Variants in HEMK2 observed in about 807,000 individuals in gnomAD.
HEMK2 encodes the protein methyltransferase HEMK2.
At chr21:28,834,708 G>A in the HEMK2 span, among the ~76,000 whole-genome samples, 1,262 of 152,310 alleles carry the variant, frequency 8.3e-3, 16 homozygotes, top group African/African-American at 0.028. Context: ...GAAGACCCAA[G>A]CCCCTTTCTT....
At chr21:28,622,857 G>C in the HEMK2 span, among the ~76,000 whole-genome samples, 2 of 152,026 alleles carry the variant, frequency 1.3e-5, no homozygotes, top group Non-Finnish European at 2.9e-5. Flanking sequence ...AGACTTAAAC[G>C]TAAGACCTAA....
At chr21:28,815,814 G>A in the HEMK2 span, among the ~76,000 whole-genome samples, 1 of 152,142 alleles carries the variant, frequency 6.6e-6, no homozygotes, top group African/African-American at 2.4e-5. Context: ...AAGAATTGAG[G>A]GAGGAAGGTC....
chr21:28,610,330 G>C, the HEMK2 span, among the ~76,000 whole-genome samples: 1 of 152,086 alleles, frequency 6.6e-6, no homozygotes, highest in Non-Finnish European at 1.5e-5. Context: ...AGGACAGATA[G>C]TCTTTTTCAG....
chr21:28,585,996 T>C, the HEMK2 span, among the ~76,000 whole-genome samples: 5 of 152,308 alleles, frequency 3.3e-5, no homozygotes, highest in African/African-American at 9.6e-5. Context: ...AATTATAAGA[T>C]GGCAGGATGC....
At chr21:28,880,928 T>TAA in the HEMK2 span, among the ~76,000 whole-genome samples, 2,447 of 104,308 alleles carry the variant, frequency 0.023, 93 homozygotes, top group East Asian at 0.15. Context: ...ATCATTTATT[T>TAA]AAAAAAAAAA....
At chr21:28,839,462 C>A in the HEMK2 span, among the ~76,000 whole-genome samples, 1 of 152,026 alleles carries the variant, frequency 6.6e-6, no homozygotes, top group South Asian at 2.1e-4. Context: ...GATTGATTAC[C>A]TTGAAAACCC....
chr21:28,687,984 T>A, the HEMK2 span, among the ~76,000 whole-genome samples: 1 of 152,202 alleles, frequency 6.6e-6, no homozygotes, highest in Non-Finnish European at 1.5e-5. Context: ...GAAAAATAAA[T>A]CCTTCTAAAG....
chr21:28,797,026 G>C, the HEMK2 span, among the ~76,000 whole-genome samples: 2 of 152,206 alleles, frequency 1.3e-5, no homozygotes, highest in Admixed American at 6.5e-5. Context: ...TCCCTAGGCT[G>C]TTGGTTGTTC....
At chr21:28,677,647 C>T in the HEMK2 span, among the ~76,000 whole-genome samples, 1 of 152,200 alleles carries the variant, frequency 6.6e-6, no homozygotes, top group Non-Finnish European at 1.5e-5. Flanking sequence ...AGGCACCCCC[C>T]AGTAGGGGCA....
chr21:28,766,488 CA>C, the HEMK2 span, among the ~76,000 whole-genome samples: 61 of 152,008 alleles, frequency 4.0e-4, no homozygotes, highest in Non-Finnish European at 7.2e-4. Flanking sequence ...TTTAATCCAG[CA>C]ATCACACTAC....
At chr21:28,605,879 T>A in the HEMK2 span, among the ~76,000 whole-genome samples, 1 of 152,228 alleles carries the variant, frequency 6.6e-6, no homozygotes, top group Non-Finnish European at 1.5e-5. Context: ...AATAAAATTA[T>A]AACAATTATG....
chr21:28,832,412 C>A, the HEMK2 span, among the ~76,000 whole-genome samples: 1 of 152,146 alleles, frequency 6.6e-6, no homozygotes, highest in East Asian at 1.9e-4. Context: ...TCTCCATTAC[C>A]ATTGATGTAA....
the HEMK2 span, among the ~76,000 whole-genome samples, chr21:28,647,777 C>T: frequency 1.3e-5 from 2 of 152,200 alleles, no homozygotes; most frequent in Non-Finnish European, 2.9e-5. Flanking sequence ...CAAAGACCAA[C>T]ACAAAAGGCC....
the HEMK2 span, among the ~76,000 whole-genome samples, chr21:28,694,272 T>C: frequency 6.6e-6 from 1 of 152,220 alleles, no homozygotes; most frequent in Admixed American, 6.5e-5. Context: ...ACCCAACATG[T>C]AGAATTTGCT....
the HEMK2 span, among the ~76,000 whole-genome samples, chr21:28,842,327 TTGAGA>T: frequency 6.6e-6 from 1 of 152,198 alleles, no homozygotes; most frequent in Non-Finnish European, 1.5e-5. Flanking sequence ...TAATAAAAGA[TTGAGA>T]TAATTCTTTC....
At chr21:28,798,392 T>C in the HEMK2 span, among the ~76,000 whole-genome samples, 2 of 152,172 alleles carry the variant, frequency 1.3e-5, no homozygotes, top group East Asian at 3.8e-4. Flanking sequence ...ATCTGCAAAA[T>C]GAGCATATAG....
At chr21:28,866,165 CA>C in the HEMK2 span, among the ~76,000 whole-genome samples, 2,548 of 79,636 alleles carry the variant, frequency 0.032, 386 homozygotes, top group Middle Eastern at 0.1. Flanking sequence ...CAAAAACAAA[CA>C]AAAAAAAAAA....
chr21:28,793,937 G>A, the HEMK2 span, among the ~76,000 whole-genome samples: 6 of 152,218 alleles, frequency 3.9e-5, no homozygotes, highest in Non-Finnish European at 5.9e-5. Flanking sequence ...CCTTCGGAGA[G>A]AACATGGCCC....
At chr21:28,766,799 G>A in the HEMK2 span, among the ~76,000 whole-genome samples, 1 of 152,094 alleles carries the variant, frequency 6.6e-6, no homozygotes, top group Admixed American at 6.6e-5. Context: ...GCTAAGTTAT[G>A]AGGACACAAA....
Sources: gnomAD v4.1 joint callset for allele counts (sites outside exome capture counted in the v4.1 genomes callset) on GRCh38, gnomAD v4.1.1 for gene constraint, MANE v1.5 for transcripts, NCBI Gene and HGNC (gene_info 2026-07-23, HGNC 2026-07-21) for gene names.